Variants in BCKDHB observed in about 807,000 individuals in gnomAD.
The protein encoded by BCKDHB is 2-oxoisovalerate dehydrogenase subunit beta, mitochondrial.
BCKDHB carries 41 observed loss-of-function variants against 48.5 expected under a neutral mutation model. That is an observed-to-expected ratio of 0.85 (90% CI 0.66 to 1.10). BCKDHB has a LOEUF of 1.10. BCKDHB is among the 50% of genes least tolerant of loss of function. The probability of loss-of-function intolerance (pLI) is 0.00; values close to 1 mark genes in which losing one functional copy is unlikely to be tolerated. For missense variants in BCKDHB, 496 were observed against 494.2 expected (o/e 1.00, Z -0.03); for synonymous variants, 201 against 174.8 (o/e 1.15, Z -1.18).
intron 3 of BCKDHB, among the ~76,000 whole-genome samples, chr6:80,144,833 ATTCAT>A (rs1771399851): frequency 6.6e-6 from 1 of 152,118 alleles, no homozygotes; most frequent in South Asian, 2.1e-4. Flanking sequence ...GCTGCACAGT[ATTCAT>A]TTTACTAAGG....
intron 9 of BCKDHB, among the ~76,000 whole-genome samples, chr6:80,278,306 G>A (rs1778049814): frequency 6.6e-6 from 1 of 152,140 alleles, no homozygotes; most frequent in Admixed American, 6.5e-5. Flanking sequence ...TGGAGTGTTT[G>A]GATATAGGAT....
At chr6:80,107,246 C>T (rs1275348802) in intron 1 of BCKDHB, among the ~76,000 whole-genome samples, 4 of 150,258 alleles carry the variant, frequency 2.7e-5, no homozygotes, top group Non-Finnish European at 5.9e-5. Context: ...TTGTTCCAGC[C>T]TGGCCAGGAC....
chr6:80,404,893 T>A, the BCKDHB span, among the ~76,000 whole-genome samples: 1 of 152,132 alleles, frequency 6.6e-6, no homozygotes, highest in African/African-American at 2.4e-5. Flanking sequence ...CATAACACTG[T>A]GGTCAGAAAA....
Position 80,307,564 on chromosome 6 carries a change from C to T in BCKDHB, c.1038+34343C>T, listed in dbSNP as rs1767941879. On this transcript the variant is annotated intron_variant, in intron 9 of 9. Coordinates refer to ENST00000320393, the MANE Select transcript of BCKDHB (RefSeq NM_183050.4). ...CGTCTCCAGATGGGTCCATGAATGACTAAAAAAAATCTTCTAGTGAAAAAT... is the reference window on the plus strand; with the variant it reads ...CGTCTCCAGATGGGTCCATGAATGATTAAAAAAAATCTTCTAGTGAAAAAT... 11 of 984,694 alleles carry T rather than the reference C, an allele frequency of 1.1e-5. No homozygotes were observed. The South Asian group carries it at 3.8e-4, about 34-fold the overall frequency. 61.0% of individuals were successfully genotyped at this position (984,694 alleles called of 1,614,324 possible).
chr6:80,281,152 C>T lies in BCKDHB; in HGVS notation c.1038+7931C>T, dbSNP rs192160658. On this transcript the variant is annotated intron_variant, in intron 9 of 9. Coordinates refer to ENST00000320393, the MANE Select transcript of BCKDHB (RefSeq NM_183050.4). ...AAGGTGTAGGAAATGGGTAAGGATT[C>T]ATTCTCTTATACTGATATACTGGTG... 7.2e-5 allele frequency among the ~76,000 whole-genome samples: 11 copies of T among 152,072 alleles called. No homozygotes were observed. In the East Asian group the frequency reaches 2.1e-3, roughly 29 times the overall value.
intron 5 of BCKDHB, 56 bp from the exon 6 acceptor site, chr6:80,171,226 G>T: frequency 1.0e-6 from 1 of 986,492 alleles, no homozygotes; most frequent in South Asian, 1.4e-5. Context: ...TCTTAGCAGC[G>T]AGTTTACTGG....
intron 6 of BCKDHB, among the ~76,000 whole-genome samples, chr6:80,195,521 G>GAT (rs1426851343): frequency 1.3e-5 from 2 of 152,148 alleles, no homozygotes; most frequent in Non-Finnish European, 2.9e-5. Flanking sequence ...GTTTATAGTT[G>GAT]ATTATCAGTT....
the BCKDHB span, among the ~76,000 whole-genome samples, chr6:80,415,211 G>A: frequency 1.4e-3 from 217 of 152,286 alleles, no homozygotes; most frequent in Non-Finnish European, 2.6e-3. Context: ...TTTGCAAACA[G>A]GGATGGTTTG....
chr6:80,428,404 G>A, the BCKDHB span, among the ~76,000 whole-genome samples: 1 of 152,050 alleles, frequency 6.6e-6, no homozygotes, highest in African/African-American at 2.4e-5. Context: ...GGATCACTGG[G>A]TCAAATGGTA....
the BCKDHB span, among the ~76,000 whole-genome samples, chr6:80,362,506 A>G: frequency 6.6e-6 from 1 of 152,114 alleles, no homozygotes; most frequent in African/African-American, 2.4e-5. Flanking sequence ...TCTTGTGGGA[A>G]TAGTGCTGGG....
chr6:80,247,810 GC>G (rs1776676540), intron 8 of BCKDHB, among the ~76,000 whole-genome samples: 1 of 152,162 alleles, frequency 6.6e-6, no homozygotes, highest in Non-Finnish European at 1.5e-5. Flanking sequence ...GCTGCTAATG[GC>G]CACGTTAGTG....
intron 3 of BCKDHB, among the ~76,000 whole-genome samples, chr6:80,136,699 G>A (rs903498138): frequency 1.3e-5 from 2 of 151,958 alleles, no homozygotes; most frequent in Non-Finnish European, 2.9e-5. Flanking sequence ...TGCAAATCAT[G>A]TATCAGATAA....
At chr6:80,178,818 A>T (rs192496349) in intron 6 of BCKDHB, among the ~76,000 whole-genome samples, 4 of 152,320 alleles carry the variant, frequency 2.6e-5, no homozygotes, top group Non-Finnish European at 4.4e-5. Flanking sequence ...AAGCTCACAG[A>T]AATAATGAGC....
intron 9 of BCKDHB, among the ~76,000 whole-genome samples, chr6:80,333,104 A>G (rs1769403412): frequency 6.6e-6 from 1 of 152,172 alleles, no homozygotes; most frequent in Non-Finnish European, 1.5e-5. Flanking sequence ...TAATTCTACT[A>G]GTCTCTTTTT....
the BCKDHB span, among the ~76,000 whole-genome samples, chr6:80,430,803 TTG>T: frequency 6.6e-6 from 1 of 152,186 alleles, no homozygotes; most frequent in Non-Finnish European, 1.5e-5. Context: ...GAAGGGTTTT[TTG>T]TGTCTCTATC....
intron 6 of BCKDHB, among the ~76,000 whole-genome samples, chr6:80,174,445 C>T (rs1173712235): frequency 6.6e-6 from 1 of 152,130 alleles, no homozygotes; most frequent in Non-Finnish European, 1.5e-5. Context: ...ACTCAAGTCC[C>T]ATGGCTGGCC....
intron 9 of BCKDHB, among the ~76,000 whole-genome samples, chr6:80,312,564 G>C (rs1768221568): frequency 6.6e-6 from 1 of 152,150 alleles, no homozygotes; most frequent in Admixed American, 6.5e-5. Flanking sequence ...CTGTGGGTCT[G>C]TCATACATAT....
At chr6:80,134,681 G>A (rs1005294610) in intron 3 of BCKDHB, among the ~76,000 whole-genome samples, 1 of 151,742 alleles carries the variant, frequency 6.6e-6, no homozygotes, top group Non-Finnish European at 1.5e-5. Flanking sequence ...GGAACCATGG[G>A]GTACCTTAGG....
At chr6:80,304,138 C>T (rs3805878) in intron 9 of BCKDHB, among the ~76,000 whole-genome samples, 53,156 of 151,770 alleles carry the variant, frequency 0.35, 9,470 homozygotes, top group African/African-American at 0.37. Flanking sequence ...TGTGAAAATT[C>T]GAACACAGTA....
Sources: allele counts gnomAD v4.1 joint callset (sites outside exome capture counted in the v4.1 genomes callset), GRCh38; gene constraint gnomAD v4.1.1; transcripts MANE v1.5; gene names NCBI Gene and HGNC (gene_info 2026-07-23, HGNC 2026-07-21).